The following PACSIN2 variants were observed in gnomAD, a reference collection of about 807,000 sequenced individuals.
PACSIN2 encodes the protein protein kinase C and casein kinase substrate in neurons 2, also known as protein kinase C and casein kinase substrate in neurons protein 2.
In PACSIN2, 25 loss-of-function variants were observed where a neutral mutation model predicts 63.8. The ratio of observed to expected loss-of-function variants is 0.39; its 90% CI spans 0.29 to 0.55. PACSIN2 has a LOEUF of 0.55. Among genes scored for constraint, PACSIN2 ranks in the 20% least tolerant of loss-of-function variants. The pLI, the probability that PACSIN2 is intolerant of heterozygous loss-of-function variation, is 0.62. For missense variants in PACSIN2, 518 were observed against 646.9 expected, an observed-to-expected ratio of 0.80 and a Z score of 2.16; for synonymous variants, 255 against 256.2, an observed-to-expected ratio of 1.00 and a Z score of 0.05.
chr22:42,899,642 C>T lies in PACSIN2; in HGVS notation c.61-6029G>A, dbSNP rs151241804. On this transcript the variant is annotated intron_variant, in intron 2 of 10. Transcript: ENST00000263246. ...GTGCACAACTAGGCAGTCATTAAAT[C>T]ATAAAGCATGCAAGTGCCCTACGAT... Among the ~76,000 whole-genome samples the T allele has an allele frequency of 7.2e-4, 109 of 152,328 alleles. 1 individual carries two copies. The East Asian group carries it at 0.019, about 26-fold the overall frequency.
chr22:42,924,121 T>C, intron 1 of PACSIN2, among the ~76,000 whole-genome samples: 1 of 151,032 alleles, frequency 6.6e-6, no homozygotes, highest in East Asian at 2.0e-4. Flanking sequence ...GAAGGGAGGT[T>C]CCCACAAGAC....
chr22:42,994,999 C>G (rs1923303039), intron 1 of PACSIN2, among the ~76,000 whole-genome samples: 1 of 152,254 alleles, frequency 6.6e-6, no homozygotes, highest in South Asian at 2.1e-4. Flanking sequence ...ACTGGAAATT[C>G]CATTTAGGCT....
intron 1 of PACSIN2, among the ~76,000 whole-genome samples, chr22:42,950,887 C>T (rs886754774): frequency 3.3e-5 from 5 of 151,942 alleles, no homozygotes; most frequent in African/African-American, 4.8e-5. Context: ...CAGTAGGGGT[C>T]AGGGGATTTC....
intron 1 of PACSIN2, among the ~76,000 whole-genome samples, chr22:42,987,861 C>T (rs930799397): frequency 1.3e-5 from 2 of 152,034 alleles, no homozygotes; most frequent in Non-Finnish European, 2.9e-5. Context: ...CTGTTCCAGG[C>T]TGGACGTAGT....
intron 7 of PACSIN2, 133 bp from the exon 8 acceptor site, chr22:42,879,302 CT>C: frequency 1.0e-6 from 1 of 957,502 alleles, no homozygotes; most frequent in Admixed American, 2.8e-5. Flanking sequence ...GGCCCCAGCT[CT>C]CCCTGGTTTC....
chr22:42,928,831 A>AGAGCTCTG (rs1292248302), intron 1 of PACSIN2, among the ~76,000 whole-genome samples: 2 of 152,244 alleles, frequency 1.3e-5, no homozygotes, highest in Non-Finnish European at 2.9e-5. Flanking sequence ...ACACTTACAA[A>AGAGCTCTG]GAGCTCTCAG....
chr22:42,982,891 C>CA (rs1227335781), intron 1 of PACSIN2, among the ~76,000 whole-genome samples: 1,399 of 82,732 alleles, frequency 0.017, 85 homozygotes, highest in African/African-American at 0.056. Flanking sequence ...AAAAAAAAAA[C>CA]AACAACAAGG....
intron 2 of PACSIN2, among the ~76,000 whole-genome samples, chr22:42,899,833 G>A (rs887314778): frequency 6.6e-6 from 1 of 152,210 alleles, no homozygotes; most frequent in Non-Finnish European, 1.5e-5. Context: ...ACCCAGAACA[G>A]AAACAGAATG....
chr22:43,010,711 T>TCAA (rs920258432), intron 1 of PACSIN2, among the ~76,000 whole-genome samples: 13 of 151,778 alleles, frequency 8.6e-5, no homozygotes, highest in African/African-American at 1.2e-4. Context: ...AGACTCCGTC[T>TCAA]CAACAACAAC....
intron 10 of PACSIN2, among the ~76,000 whole-genome samples, chr22:42,873,022 T>C (rs1356836907): frequency 2.6e-5 from 4 of 151,646 alleles, no homozygotes; most frequent in Admixed American, 1.3e-4. Context: ...CACACTACCA[T>C]GTGGCAAACA....
At chr22:42,904,287 C>A (rs1040166210) in intron 2 of PACSIN2, among the ~76,000 whole-genome samples, 4 of 152,218 alleles carry the variant, frequency 2.6e-5, no homozygotes, top group African/African-American at 9.6e-5. Context: ...ACAGCATATG[C>A]CGCCCTGTGT....
At chr22:42,999,209 G>C (rs529272179) in intron 1 of PACSIN2, among the ~76,000 whole-genome samples, 1 of 152,148 alleles carries the variant, frequency 6.6e-6, no homozygotes, top group Non-Finnish European at 1.5e-5. Context: ...TGCTCGCCTC[G>C]GCCCCTGTAC....
chr22:42,905,680 A>G (rs895960596), intron 2 of PACSIN2, among the ~76,000 whole-genome samples: 7 of 152,234 alleles, frequency 4.6e-5, no homozygotes, highest in African/African-American at 1.7e-4. Context: ...GATGTCATAC[A>G]CCAAAGGGCA....
chr22:42,900,162 G>C (rs1181197954), intron 2 of PACSIN2, among the ~76,000 whole-genome samples: 1 of 152,170 alleles, frequency 6.6e-6, no homozygotes, highest in Non-Finnish European at 1.5e-5. Context: ...ACAGACAGGG[G>C]AGACTCATCT....
At chr22:42,908,309 T>C (rs1229042887) in intron 2 of PACSIN2, among the ~76,000 whole-genome samples, 1 of 152,194 alleles carries the variant, frequency 6.6e-6, no homozygotes, top group African/African-American at 2.4e-5. Context: ...CCTTCAGAGA[T>C]GCAGGCAGCG....
chr22:42,985,616 CATAAAG>C (rs1569353235), intron 1 of PACSIN2, among the ~76,000 whole-genome samples: 1 of 152,164 alleles, frequency 6.6e-6, no homozygotes, highest in Non-Finnish European at 1.5e-5. Flanking sequence ...ATTTGCAAAA[CATAAAG>C]ATAACAGGAC....
At chr22:42,934,987 C>G (rs1303467798) in intron 1 of PACSIN2, among the ~76,000 whole-genome samples, 2 of 151,950 alleles carry the variant, frequency 1.3e-5, no homozygotes, top group Admixed American at 6.6e-5. Context: ...GCAATCTCGG[C>G]TCACTGCAAG....
chr22:42,951,144 G>C (rs1933672893), intron 1 of PACSIN2, among the ~76,000 whole-genome samples: 1 of 152,144 alleles, frequency 6.6e-6, no homozygotes, highest in South Asian at 2.1e-4. Context: ...AAATTCAAAA[G>C]GAAGATAAGG....
intron 2 of PACSIN2, among the ~76,000 whole-genome samples, chr22:42,909,219 T>C (rs1027686814): frequency 1.3e-5 from 2 of 152,146 alleles, no homozygotes; most frequent in African/African-American, 4.8e-5. Flanking sequence ...ATGACCTGCC[T>C]AGTGTCTACC....
Sources: gnomAD v4.1 joint callset for allele counts (sites outside exome capture counted in the v4.1 genomes callset) on GRCh38, gnomAD v4.1.1 for gene constraint, MANE v1.5 for transcripts, NCBI Gene and HGNC (gene_info 2026-07-23, HGNC 2026-07-21) for gene names.